PEX7: variants seen among roughly 807,000 people sequenced by gnomAD.
PEX7 encodes the protein PTS2 receptor.
A neutral mutation model predicts 47.5 loss-of-function variants in PEX7; 34 were observed. That is an observed-to-expected ratio of 0.72 (90% CI 0.54 to 0.95). The LOEUF is 0.95. PEX7 is among the 40% of genes least tolerant of loss of function. The probability of loss-of-function intolerance (pLI) is 0.00; values close to 1 mark genes in which losing one functional copy is unlikely to be tolerated. For missense variants in PEX7, 394 were observed against 400.3 expected, an observed-to-expected ratio of 0.98 and a Z score of 0.13; for synonymous variants, 141 against 148.8, an observed-to-expected ratio of 0.95 and a Z score of 0.38.
At chr6:136,897,922 A>G (rs529325305) in intron 8 of PEX7, among the ~76,000 whole-genome samples, 17 of 151,994 alleles carry the variant, frequency 1.1e-4, no homozygotes, top group African/African-American at 4.1e-4. Context: ...TTTATAGGGT[A>G]GATTGATGTA....
At chr6:136,908,242 T>C (rs1775875605) in intron 9 of PEX7, among the ~76,000 whole-genome samples, 1 of 152,214 alleles carries the variant, frequency 6.6e-6, no homozygotes, top group Admixed American at 6.5e-5. Flanking sequence ...CTGATTAGTG[T>C]GCTTATTCTT....
chr6:136,839,289 A>C (rs963561443), intron 3 of PEX7, among the ~76,000 whole-genome samples: 1 of 152,228 alleles, frequency 6.6e-6, no homozygotes, highest in African/African-American at 2.4e-5. Context: ...CTTTGTATTC[A>C]TACAGATAAT....
intron 8 of PEX7, among the ~76,000 whole-genome samples, chr6:136,876,599 C>T (rs1005530406): frequency 6.6e-6 from 1 of 152,170 alleles, no homozygotes; most frequent in East Asian, 1.9e-4. Flanking sequence ...GTTCGGTTTT[C>T]TGTTCCTGTG....
intron 5 of PEX7, 122 bp downstream of exon 5, chr6:136,846,303 T>A: frequency 3.8e-6 from 2 of 522,164 alleles, no homozygotes; most frequent in Non-Finnish European, 6.9e-6. Context: ...ACTATTCTTT[T>A]GTGTTCTTAA....
intron 3 of PEX7, among the ~76,000 whole-genome samples, chr6:136,836,750 C>T (rs766894869): frequency 2.6e-5 from 4 of 151,738 alleles, no homozygotes; most frequent in Non-Finnish European, 5.9e-5. Context: ...GCCAGGAGTT[C>T]GAGACCAGCC....
chr6:136,854,220 A>G (rs11963807), intron 5 of PEX7, among the ~76,000 whole-genome samples: 4,416 of 152,258 alleles, frequency 0.029, 53 homozygotes, highest in Admixed American at 0.034. Context: ...TTATTGAGTC[A>G]GAGTCTAGCT....
chr6:136,868,208 CTG>C, intron 6 of PEX7, among the ~76,000 whole-genome samples: 1 of 152,280 alleles, frequency 6.6e-6, no homozygotes, highest in Middle Eastern at 3.4e-3. Context: ...TAAGTACACT[CTG>C]TGATGTTCAC....
Position 136,822,610 on chromosome 6 carries a change from C to A in PEX7, c.-56C>A. 1 of 1,486,922 alleles carries A rather than the reference C, an allele frequency of 6.7e-7. No homozygotes were observed. Among genetic ancestry groups the A allele is most frequent in the East Asian group, 2.5e-5 (1 of 39,724 alleles). 92.1% of individuals were successfully genotyped at this position (1,486,922 alleles called of 1,614,324 possible). A position where few individuals can be genotyped will look rare whatever the true frequency, so the allele number is the denominator to read the frequency against. On this transcript the variant is annotated 5_prime_UTR_variant, in exon 1 of 10. Coordinates refer to ENST00000318471, the MANE Select transcript of PEX7 (RefSeq NM_000288.4). ...TCTCTCTAACCGCGCCAGTGTGCCT[C>A]CGACTCGGAACGGCTTCCGCGGCCG...
intron 1 of PEX7, among the ~76,000 whole-genome samples, chr6:136,824,249 T>G (rs1478956864): frequency 2.0e-5 from 3 of 152,160 alleles, no homozygotes; most frequent in Non-Finnish European, 4.4e-5. Flanking sequence ...TTGCCTAGGT[T>G]GAGTAGAGTG....
At chr6:136,824,993 G>A (rs563163262) in intron 1 of PEX7, among the ~76,000 whole-genome samples, 3 of 152,120 alleles carry the variant, frequency 2.0e-5, no homozygotes, top group Admixed American at 1.3e-4. Flanking sequence ...AGTAACTGAA[G>A]TACAATATGG....
chr6:136,857,631 C>A lies in PEX7; in HGVS notation c.527-8996C>A, dbSNP rs920362791. Among the ~76,000 whole-genome samples, 109 of 152,280 alleles carry A rather than the reference C, an allele frequency of 7.2e-4. 1 individual carries two copies. Among genetic ancestry groups the A allele is most frequent in the Admixed American group, 2.0e-4 (3 of 15,292 alleles). Reference sequence around the variant, plus strand: ...ATTCTGGAGCTGGACTGCTTCAGATCAAGTTCTACTTTCCTGCTGTTAGGA... The same window carrying A: ...ATTCTGGAGCTGGACTGCTTCAGATAAAGTTCTACTTTCCTGCTGTTAGGA... On this transcript the variant is annotated intron_variant, in intron 5 of 9. Coordinates refer to ENST00000318471, the MANE Select transcript of PEX7 (RefSeq NM_000288.4).
intron 1 of PEX7, chr6:136,823,500 A>G (rs9376235): frequency 0.58 from 128,110 of 222,530 alleles, 37,701 homozygotes; most frequent in Admixed American, 0.65. Context: ...TGAGGCTACA[A>G]TGAGCTGAGA....
At chr6:136,823,721 T>A (rs2115125730) in intron 1 of PEX7, among the ~76,000 whole-genome samples, 1 of 152,244 alleles carries the variant, frequency 6.6e-6, no homozygotes. Flanking sequence ...AGAAACCCCA[T>A]CTCTACTGAA....
chr6:136,911,625 T>C (rs1775934477), intron 9 of PEX7, among the ~76,000 whole-genome samples: 1 of 152,132 alleles, frequency 6.6e-6, no homozygotes, highest in Non-Finnish European at 1.5e-5. Context: ...CAGGCTGGTC[T>C]CAAACTCCTG....
intron 6 of PEX7, among the ~76,000 whole-genome samples, chr6:136,867,355 A>G (rs969520196): frequency 1.3e-5 from 2 of 152,176 alleles, no homozygotes; most frequent in African/African-American, 4.8e-5. Flanking sequence ...GTAAGATATA[A>G]TGGAGCTGAA....
chr6:136,842,859 CAG>C (rs1774526474), intron 3 of PEX7, among the ~76,000 whole-genome samples: 1 of 152,160 alleles, frequency 6.6e-6, no homozygotes, highest in Non-Finnish European at 1.5e-5. Context: ...AAGGACTTAT[CAG>C]GGGAGGCTTA....
chr6:136,833,922 G>A (rs997240053), intron 3 of PEX7, among the ~76,000 whole-genome samples: 1 of 152,228 alleles, frequency 6.6e-6, no homozygotes, highest in Admixed American at 6.5e-5. Flanking sequence ...CATTGAAGAT[G>A]TAGGTATAAA....
chr6:136,895,399 A>T (rs1489425995), intron 8 of PEX7, among the ~76,000 whole-genome samples: 2 of 152,156 alleles, frequency 1.3e-5, no homozygotes, highest in Non-Finnish European at 2.9e-5. Context: ...TATTATTTTT[A>T]AATTATGCAT....
At chr6:136,872,081 G>T in intron 7 of PEX7, 117 bp from the exon 8 acceptor site, 2 of 881,972 alleles carry the variant, frequency 2.3e-6, no homozygotes, top group Non-Finnish European at 3.5e-6. Context: ...ATAATTTTAA[G>T]TGACAGCTCT....
Sources: gnomAD v4.1 joint callset for allele counts (sites outside exome capture counted in the v4.1 genomes callset) on GRCh38, gnomAD v4.1.1 for gene constraint, MANE v1.5 for transcripts, NCBI Gene and HGNC (gene_info 2026-07-23, HGNC 2026-07-21) for gene names.